DAGLA: variants seen among roughly 807,000 people sequenced by gnomAD.
The protein encoded by DAGLA is diacylglycerol lipase-alpha.
In DAGLA, 22 loss-of-function variants were observed where a neutral mutation model predicts 102.6. The ratio of observed to expected loss-of-function variants is 0.21; its 90% CI spans 0.15 to 0.31. The LOEUF (loss-of-function observed/expected upper bound fraction) is 0.31, where lower values mean the gene tolerates loss of function less well. Ranked by LOEUF, DAGLA falls within the 10% of genes least tolerant of loss-of-function variation. DAGLA has a pLI of 1.00. For missense variants in DAGLA, 927 were observed against 1,446.6 expected, an observed-to-expected ratio of 0.64 and a Z score of 5.83; for synonymous variants, 578 against 628.9, an observed-to-expected ratio of 0.92 and a Z score of 1.21.
chr11:61,696,582 C>T (rs917616457), intron 1 of DAGLA, among the ~76,000 whole-genome samples: 2 of 128,038 alleles, frequency 1.6e-5, no homozygotes, highest in African/African-American at 3.0e-5. Flanking sequence ...ACAGACTGGG[C>T]GACCCGGGGT....
At chr11:61,718,357 G>A (rs558543060) in intron 1 of DAGLA, among the ~76,000 whole-genome samples, 4 of 152,052 alleles carry the variant, frequency 2.6e-5, no homozygotes, top group South Asian at 2.1e-4. Flanking sequence ...TGGCAGCCCC[G>A]ACAGCCCCCT....
At chr11:61,723,064 C>T in intron 4 of DAGLA, 104 bp downstream of exon 4, 1 of 957,280 alleles carries the variant, frequency 1.0e-6, no homozygotes, top group Non-Finnish European at 1.6e-6. Flanking sequence ...AGGGCAGTGC[C>T]TTCTGTGGGG....
chr11:61,701,485 A>C lies in DAGLA; in HGVS notation c.-44-18627A>C, dbSNP rs73485416. ...GGTCTCGTGGATTGTACGAACCTGG[A>C]GGAGGAAAGCAGCCGGGATTCGATG... On this transcript the variant is annotated intron_variant, in intron 1 of 19. Transcript: ENST00000257215. Among the ~76,000 whole-genome samples, 897 of 152,268 alleles carry C rather than the reference A, an allele frequency of 5.9e-3. 9 individuals are homozygous for C. The highest frequency in any genetic ancestry group is 0.02 in the African/African-American group (823 of 41,566).
In DAGLA at chr11:61,744,509, G is replaced by A. The variant is rs1565267572; in HGVS notation, c.*20G>A. ...CGCTAGCACCCCAGTTGCGTGGCCA[G>A]CCGGGCCCAGGCAGGAGCAGGTGGC... On this transcript the variant is annotated 3_prime_UTR_variant, in exon 20 of 20. Transcript: ENST00000257215. 1 of 1,523,592 alleles carries A rather than the reference G, an allele frequency of 6.6e-7. No individual in the cohort carries two copies. 94.4% of individuals were successfully genotyped at this position (1,523,592 alleles called of 1,614,324 possible).
Position 61,743,651 on chromosome 11 carries a change from A to G in DAGLA, c.2291A>G (p.Glu764Gly). The stretch of plus-strand genomic sequence containing the variant: ...GAGCTGCTGCTGCTGTCTACCCAGG[A>G]GCGGCTGGCGGCGGAGCTGCAGGCC... The part of the protein sequence containing the change: ...PVELLLLSTQ[E>G]RLAAELQARR... The change falls in exon 20 of 20, where the codon GAG (glutamate) becomes GGG (glycine). Residue 764 changes from glutamate to glycine, a missense_variant. Around this residue, in one of 4 missense-constraint regions of DAGLA, gnomAD observed 434 missense variants for 503.3 expected, o/e 0.86. Coordinates refer to ENST00000257215, the MANE Select transcript of DAGLA (RefSeq NM_006133.3). 2.5e-6 allele frequency: 4 copies of G among 1,600,028 alleles called. No individual in the cohort carries two copies. The highest frequency in any genetic ancestry group is 3.4e-6 in the Non-Finnish European group (4 of 1,176,496).
chr11:61,744,833 T>C lies in DAGLA; in HGVS notation c.*344T>C, dbSNP rs1682595443. ...CAGGACAGGCCATGGGCAAGCTGCCTCCCATCACTGCCTGCTGGCTGCTCT... is the reference window on the plus strand; with the variant it reads ...CAGGACAGGCCATGGGCAAGCTGCCCCCCATCACTGCCTGCTGGCTGCTCT... On this transcript the variant is annotated 3_prime_UTR_variant, in exon 20 of 20. Transcript: ENST00000257215. The C allele has an allele frequency of 4.2e-6, 1 of 240,304 alleles. No individual in the cohort carries two copies. Among genetic ancestry groups the C allele is most frequent in the Non-Finnish European group, 8.1e-6 (1 of 123,218 alleles). 14.9% of individuals were successfully genotyped at this position (240,304 alleles called of 1,614,324 possible).
intron 1 of DAGLA, among the ~76,000 whole-genome samples, chr11:61,700,530 C>T (rs2065101321): frequency 6.6e-6 from 1 of 152,224 alleles, no homozygotes; most frequent in African/African-American, 2.4e-5. Flanking sequence ...AGATTCAGCT[C>T]ATGGCCAGTG....
At chr11:61,699,169 C>A (rs976873161) in intron 1 of DAGLA, among the ~76,000 whole-genome samples, 4 of 152,278 alleles carry the variant, frequency 2.6e-5, no homozygotes, top group Admixed American at 2.0e-4. Flanking sequence ...GGGAATTCTG[C>A]CCTGAGTTTG....
At chr11:61,720,516 C>T (rs1386346185) in intron 2 of DAGLA, among the ~76,000 whole-genome samples, 163 bp from the exon 3 acceptor site, 1 of 152,198 alleles carries the variant, frequency 6.6e-6, no homozygotes, top group Non-Finnish European at 1.5e-5. Flanking sequence ...CCGCCCATGC[C>T]CTTCTAGGCA....
intron 1 of DAGLA, among the ~76,000 whole-genome samples, chr11:61,689,281 G>T (rs969503358): frequency 1.3e-5 from 2 of 152,228 alleles, no homozygotes; most frequent in Non-Finnish European, 2.9e-5. Context: ...ATCTGCAGAG[G>T]CTGGGAACTC....
Position 61,734,775 on chromosome 11 carries a change from C to T in DAGLA, c.975-74C>T. The T allele has an allele frequency of 6.8e-7, 1 of 1,473,768 alleles. No individual in the cohort carries two copies. Among genetic ancestry groups the T allele is most frequent in the Non-Finnish European group, 9.3e-7 (1 of 1,073,298 alleles). 91.3% of individuals were successfully genotyped at this position (1,473,768 alleles called of 1,614,324 possible). On this transcript the variant is annotated intron_variant, in intron 9 of 19. Transcript: ENST00000257215. This position sits in a 1 kb window ranked among gnomAD's most constrained non-coding sequence, Gnocchi z 4.2. ...CTGAATGCCCAACTGGAACTGGTTC[C>T]AGGGACAGTGGCAGGAGACATTTGT... is the stretch of plus-strand genomic sequence containing the variant.
At chr11:61,702,647 C>T (rs564059134) in intron 1 of DAGLA, among the ~76,000 whole-genome samples, 42 of 152,380 alleles carry the variant, frequency 2.8e-4, no homozygotes, top group African/African-American at 9.1e-4. Context: ...TCTGGGCCCC[C>T]GGTTGGGAGA....
chr11:61,740,505 C>T lies in DAGLA; in HGVS notation c.1896C>T (p.Gly632=), dbSNP rs200538416. The T allele has an allele frequency of 1.4e-5, 23 of 1,613,842 alleles. No homozygotes were observed. In the East Asian group the frequency reaches 1.6e-4, roughly 11 times the overall value. ...AGCCCACATACTTTGCCATCTGGGG[C>T]GACAACAAGGCCTTCAATGAGGTGA... ...QEEPTYFAIW[G]DNKAFNEVII... Residue 632 remains glycine (G), a synonymous_variant, in exon 18 of 20, where the codon GGC becomes GGT. Coordinates refer to ENST00000257215, the MANE Select transcript of DAGLA (RefSeq NM_006133.3).
rs373783561 is a variant in DAGLA, at chr11:61,743,571, G to A, written c.2211G>A (p.Ser737=). 11 of 1,549,842 alleles carry A rather than the reference G, an allele frequency of 7.1e-6. No individual in the cohort carries two copies. The African/African-American group carries it at 1.1e-4, about 15-fold the overall frequency. Residue 737 remains serine (S), a synonymous_variant, in exon 20 of 20, where the codon TCG becomes TCA. Transcript: ENST00000257215. ...SQSEMSLEGF[S]EGRLLSPVVA... ...CTGAGATGAGCCTGGAGGGCTTCTCGGAGGGGCGGCTGCTGTCGCCAGTGG... is the reference window on the plus strand; with the variant it reads ...CTGAGATGAGCCTGGAGGGCTTCTCAGAGGGGCGGCTGCTGTCGCCAGTGG...
chr11:61,730,420 G>A (rs1009270417), intron 8 of DAGLA, among the ~76,000 whole-genome samples: 3 of 152,282 alleles, frequency 2.0e-5, no homozygotes, highest in East Asian at 3.9e-4. Context: ...CTCCACTCTC[G>A]TTCCTGAAGA....
intron 1 of DAGLA, among the ~76,000 whole-genome samples, chr11:61,715,618 C>T (rs1385692749): frequency 3.9e-5 from 6 of 152,206 alleles, no homozygotes; most frequent in Non-Finnish European, 7.3e-5. Flanking sequence ...CCAGCAGCAC[C>T]GGAGCACTCA....
chr11:61,682,284 C>T (rs2064949387), intron 1 of DAGLA, among the ~76,000 whole-genome samples: 1 of 152,140 alleles, frequency 6.6e-6, no homozygotes, highest in South Asian at 2.1e-4. Flanking sequence ...GTACAAAGGT[C>T]AGAGAGTCTC....
intron 3 of DAGLA, among the ~76,000 whole-genome samples, chr11:61,722,567 C>T: frequency 6.6e-6 from 1 of 152,190 alleles, no homozygotes; most frequent in East Asian, 1.9e-4. Flanking sequence ...GCCTGGACAA[C>T]AAGAGCAAAA....
chr11:61,731,980 T>G (rs2065379127), intron 9 of DAGLA, among the ~76,000 whole-genome samples: 1 of 152,204 alleles, frequency 6.6e-6, no homozygotes, highest in East Asian at 1.9e-4. Context: ...GGCTCCAACC[T>G]TCTTCATAGG....
Sources: allele counts gnomAD v4.1 joint callset (sites outside exome capture counted in the v4.1 genomes callset), GRCh38; gene constraint gnomAD v4.1.1; regional missense constraint gnomAD v4.1.1; non-coding constraint Gnocchi (gnomAD v3.1); transcripts MANE v1.5; gene names NCBI Gene and HGNC (gene_info 2026-07-23, HGNC 2026-07-21).